Variants in ESRRG observed in about 807,000 individuals in gnomAD.
ESRRG encodes estrogen related receptor gamma.
Under a neutral mutation model 44.0 loss-of-function variants are expected in ESRRG, and 13 were observed. The ratio of observed to expected loss-of-function variants is 0.30; its 90% CI spans 0.19 to 0.47. The LOEUF is 0.47. Among genes scored for constraint, ESRRG ranks in the 20% least tolerant of loss-of-function variants. The pLI is 1.00. For missense variants in ESRRG, 395 were observed against 580.6 expected, an observed-to-expected ratio of 0.68 and a Z score of 3.29; for synonymous variants, 215 against 214.6, an observed-to-expected ratio of 1.00 and a Z score of -0.02.
At chr1:216,893,446 A>G (rs1247468085) in intron 2 of ESRRG, among the ~76,000 whole-genome samples, 1 of 152,202 alleles carries the variant, frequency 6.6e-6, no homozygotes, top group Non-Finnish European at 1.5e-5. Flanking sequence ...CTTTAAGGAT[A>G]TAAATAAAAT....
At chr1:216,850,686 T>C (rs925541698) in intron 2 of ESRRG, among the ~76,000 whole-genome samples, 1 of 152,102 alleles carries the variant, frequency 6.6e-6, no homozygotes, top group African/African-American at 2.4e-5. Context: ...TATGAAAAGA[T>C]ATATATCATT....
chr1:216,910,880 A>G (rs1282211845), intron 2 of ESRRG, among the ~76,000 whole-genome samples: 2 of 152,240 alleles, frequency 1.3e-5, no homozygotes, highest in East Asian at 3.8e-4. Context: ...CTTTGAGACT[A>G]TAGGCATGTC....
At chr1:216,539,681 GACTT>G (rs1256337122) in intron 5 of ESRRG, among the ~76,000 whole-genome samples, 1 of 152,006 alleles carries the variant, frequency 6.6e-6, no homozygotes, top group African/African-American at 2.4e-5. Context: ...GTTTAGCAGA[GACTT>G]ACACATACTA....
chr1:216,557,967 G>T (rs2057925880), intron 5 of ESRRG, among the ~76,000 whole-genome samples: 1 of 152,128 alleles, frequency 6.6e-6, no homozygotes, highest in Non-Finnish European at 1.5e-5. Flanking sequence ...AATATATTTT[G>T]GGGAGTCCTG....
At chr1:216,938,587 A>AT (rs1281046703) in intron 2 of ESRRG, among the ~76,000 whole-genome samples, 1 of 152,202 alleles carries the variant, frequency 6.6e-6, no homozygotes, top group African/African-American at 2.4e-5. Flanking sequence ...CTAAAGTGCC[A>AT]TTTTCCACAC....
chr1:216,686,711 T>C (rs1477027127), intron 1 of ESRRG, among the ~76,000 whole-genome samples: 2 of 152,162 alleles, frequency 1.3e-5, no homozygotes, highest in African/African-American at 2.4e-5. Flanking sequence ...CTTCTTGTAG[T>C]ATTCGACAGA....
chr1:216,986,221 G>A (rs1457968406), intron 1 of ESRRG, among the ~76,000 whole-genome samples: 1 of 152,050 alleles, frequency 6.6e-6, no homozygotes, highest in Non-Finnish European at 1.5e-5. Flanking sequence ...TTTATTTTGG[G>A]TTTCATAGTT....
At chr1:216,558,646 A>AT (rs367624994) in intron 5 of ESRRG, among the ~76,000 whole-genome samples, 24 of 151,832 alleles carry the variant, frequency 1.6e-4, no homozygotes, top group South Asian at 1.0e-3. Context: ...ATTTGCATGT[A>AT]TTTTTTTTCC....
intron 2 of ESRRG, among the ~76,000 whole-genome samples, chr1:216,664,785 A>G (rs2073483834): frequency 6.6e-6 from 1 of 152,038 alleles, no homozygotes; most frequent in African/African-American, 2.4e-5. Flanking sequence ...ATAAAATTGT[A>G]CTGCCGCTCT....
Position 216,916,834 on chromosome 1 carries a change from C to CTTTTT in ESRRG, c.-14+22743_-14+22747dup, listed in dbSNP as rs749847047. On this transcript the variant is annotated intron_variant, in intron 2 of 7. Transcript: ENST00000359162. ...GGTTCAAATTCCACTCAGCTTTGGTCTTTTTTTTTTTTTTTTTTTTTTTTT... is the reference window on the plus strand; with the variant it reads ...GGTTCAAATTCCACTCAGCTTTGGTCTTTTTTTTTTTTTTTTTTTTTTTTTTTTTT... Among the ~76,000 whole-genome samples, 29 of 62,480 alleles carry CTTTTT rather than the reference C, an allele frequency of 4.6e-4. 6 individuals carry two copies. The highest frequency in any genetic ancestry group is 7.3e-4 in the Non-Finnish European group (26 of 35,820). The allele number at this position is 62,480 out of a possible 152,430, so 41.0% of individuals were successfully genotyped here.
At chr1:216,839,328 TCCA>T (rs1267893757) in intron 2 of ESRRG, among the ~76,000 whole-genome samples, 1 of 152,182 alleles carries the variant, frequency 6.6e-6, no homozygotes, top group East Asian at 1.9e-4. Context: ...TCTTGCTATT[TCCA>T]CCACATCTGC....
chr1:216,667,254 G>C (rs1188422547), intron 2 of ESRRG, among the ~76,000 whole-genome samples: 3 of 152,144 alleles, frequency 2.0e-5, no homozygotes, highest in Admixed American at 1.3e-4. Flanking sequence ...TTAAGTATGC[G>C]TGTGTAAAGA....
At chr1:217,072,678 G>T (rs1454754184) in intron 1 of ESRRG, among the ~76,000 whole-genome samples, 1 of 150,116 alleles carries the variant, frequency 6.7e-6, no homozygotes, top group African/African-American at 2.5e-5. Flanking sequence ...CTTTAAGATA[G>T]TTTTACTATT....
At chr1:216,542,058 G>A (rs2052989148) in intron 5 of ESRRG, among the ~76,000 whole-genome samples, 1 of 145,248 alleles carries the variant, frequency 6.9e-6, no homozygotes, top group Admixed American at 7.1e-5. Context: ...TGGGTATAAG[G>A]TGTGTGTCTA....
chr1:216,624,580 C>T (rs1174816529), intron 3 of ESRRG, among the ~76,000 whole-genome samples: 1 of 152,140 alleles, frequency 6.6e-6, no homozygotes, highest in African/African-American at 2.4e-5. Flanking sequence ...TGGAAAATCA[C>T]ACAGAGACAA....
At chr1:216,533,332 C>T (rs1054739831) in intron 5 of ESRRG, among the ~76,000 whole-genome samples, 2 of 151,852 alleles carry the variant, frequency 1.3e-5, no homozygotes, top group Non-Finnish European at 2.9e-5. Context: ...TAAATGAAAA[C>T]GGTAAAGTCT....
intron 1 of ESRRG, among the ~76,000 whole-genome samples, chr1:216,976,875 T>G (rs1252238320): frequency 6.6e-6 from 1 of 152,112 alleles, no homozygotes; most frequent in Non-Finnish European, 1.5e-5. Flanking sequence ...CCAGCCTAAG[T>G]CAAGTTCATT....
At chr1:217,013,031 T>C (rs2078854474) in intron 1 of ESRRG, among the ~76,000 whole-genome samples, 1 of 152,204 alleles carries the variant, frequency 6.6e-6, no homozygotes. Context: ...CTTCCTTCTA[T>C]GCATGTTGTC....
At position 217,104,764 on chromosome 1, in the gene ESRRG, GT is replaced by G. The variant is rs572724590; in HGVS notation, c.-230+32902del. Among the ~76,000 whole-genome samples the G allele has an allele frequency of 2.0e-4, 31 of 152,320 alleles. 1 individual carries two copies. In the South Asian group the frequency reaches 4.6e-3, roughly 22 times the overall value. On this transcript the variant is annotated intron_variant, in intron 1 of 8. Coordinates refer to the ESRRG transcript ENST00000366940. ...GGGAAAGAAACAGTGGCTTTATCAT[GT>G]GATCAGCAGCCACAGTTTTTCCATT...
Sources: allele counts gnomAD v4.1 joint callset (sites outside exome capture counted in the v4.1 genomes callset), GRCh38; gene constraint gnomAD v4.1.1; transcripts MANE v1.5; gene names NCBI Gene and HGNC (gene_info 2026-07-23, HGNC 2026-07-21).